Variants in RHPN2 observed in about 807,000 individuals in gnomAD.
The protein encoded by RHPN2 is rhophilin Rho GTPase binding protein 2.
RHPN2 carries 40 observed loss-of-function variants against 79.0 expected under a neutral mutation model. The observed-to-expected ratio is 0.51, with a 90% CI of 0.39 to 0.66. RHPN2 has a LOEUF of 0.66. RHPN2 is among the 30% of genes least tolerant of loss of function. RHPN2 has a pLI of 0.00. For synonymous variants in RHPN2, 285 were observed against 363.5 expected (o/e 0.78, Z 2.46); for missense variants, 686 against 883.5 (o/e 0.78, Z 2.83).
intron 12 of RHPN2, 34 bp downstream of exon 12, chr19:32,993,943 T>C (rs776486532): frequency 9.3e-6 from 14 of 1,507,356 alleles, no homozygotes; most frequent in Non-Finnish European, 1.2e-5. Flanking sequence ...GCTGTCCCCT[T>C]AGGTCATTTG....
chr19:33,008,252 T>A, intron 6 of RHPN2, 72 bp from the exon 7 acceptor site: 6 of 997,414 alleles, frequency 6.0e-6, no homozygotes, highest in Non-Finnish European at 8.3e-6. Flanking sequence ...AAAAAATTCT[T>A]TTTTTTTTTT....
intron 1 of RHPN2, among the ~76,000 whole-genome samples, chr19:33,047,168 G>A (rs1174261790): frequency 6.6e-6 from 1 of 152,048 alleles, no homozygotes; most frequent in Non-Finnish European, 1.5e-5. Flanking sequence ...GCTCTCCTTT[G>A]CCCAGTTTTA....
At chr19:32,994,100 A>G in intron 11 of RHPN2, 47 bp from the exon 12 acceptor site, 1 of 1,370,786 alleles carries the variant, frequency 7.3e-7, no homozygotes. Flanking sequence ...TCTGTAATTG[A>G]AAGTGATCCT....
At chr19:33,057,265 C>G (rs1002404907) in intron 1 of RHPN2, among the ~76,000 whole-genome samples, 2 of 151,714 alleles carry the variant, frequency 1.3e-5, no homozygotes, top group African/African-American at 4.8e-5. Context: ...ATCACTGGAG[C>G]CAGGGAGGTT....
intron 7 of RHPN2, among the ~76,000 whole-genome samples, chr19:33,005,480 T>C (rs1458632718): frequency 2.7e-5 from 4 of 150,294 alleles, no homozygotes; most frequent in Non-Finnish European, 5.9e-5. Flanking sequence ...TGCTGCAGCC[T>C]TCCTCTGACT....
chr19:32,988,149 C>T (rs1018837446), intron 14 of RHPN2, among the ~76,000 whole-genome samples: 1 of 151,576 alleles, frequency 6.6e-6, no homozygotes, highest in Non-Finnish European at 1.5e-5. Context: ...CAGTGAGCTA[C>T]GATTGCACCA....
Position 32,980,239 on chromosome 19 carries a change from T to C in RHPN2, c.1818A>G (p.Thr606=). The change falls in exon 15 of 15, where the codon ACA becomes ACG. Residue 606 remains threonine, a synonymous_variant. Transcript: ENST00000254260. ...STSSMHNKSA[T]YSVGMQKTYS... is the part of the protein sequence containing the mutation. ...ACGTTTTCTGCATTCCCACGGAGTATGTGGCACTCTTATTATGCTGCACAT... is the reference window on the plus strand; with the variant it reads ...ACGTTTTCTGCATTCCCACGGAGTACGTGGCACTCTTATTATGCTGCACAT... The C allele has an allele frequency of 6.2e-7, 1 of 1,613,882 alleles. No homozygotes were observed. The highest frequency in any genetic ancestry group is 8.5e-7 in the Non-Finnish European group (1 of 1,179,838).
intron 1 of RHPN2, among the ~76,000 whole-genome samples, chr19:33,050,021 G>T (rs992079109): frequency 6.6e-6 from 1 of 152,254 alleles, no homozygotes; most frequent in East Asian, 1.9e-4. Flanking sequence ...ATGGCCTGGT[G>T]GGGGGCAGGG....
At chr19:33,049,330 A>G (rs1972168840) in intron 1 of RHPN2, among the ~76,000 whole-genome samples, 1 of 151,878 alleles carries the variant, frequency 6.6e-6, no homozygotes. Flanking sequence ...CCACCCATAC[A>G]TTTCTCACCC....
chr19:33,057,128 A>G (rs866253288), intron 1 of RHPN2, among the ~76,000 whole-genome samples: 2,157 of 146,062 alleles, frequency 0.015, 63 homozygotes, highest in African/African-American at 0.053. Context: ...TCAAAAAAAA[A>G]AAAAAAAAGA....
intron 3 of RHPN2, among the ~76,000 whole-genome samples, chr19:33,025,972 T>C (rs1410207614): frequency 1.4e-5 from 2 of 143,156 alleles, no homozygotes; most frequent in Admixed American, 1.4e-4. Flanking sequence ...TTTTATACTG[T>C]GTTCATTTGT....
rs781328826 is a variant in RHPN2, at chr19:33,026,622, T to C, written c.196A>G (p.Asn66Asp). Reference protein sequence around the residue: ...GAENLLKVATNSKVREQVRLE... With the variant: ...GAENLLKVATDSKVREQVRLE... ...CGCACTTGCTCCCGCACCTTTGAGT[T>C]TGTGGCCACTCTGTTCAAAGAGAAG... Residue 66 changes from asparagine (N) to aspartate (D), a missense_variant, in exon 3 of 15, where the codon AAC becomes GAC. Asn to Asp is a conservative substitution (Grantham distance 23, BLOSUM62 1). Transcript: ENST00000254260. The C allele has an allele frequency of 1.9e-6, 3 of 1,606,702 alleles. No individual in the cohort carries two copies. The highest frequency in any genetic ancestry group is 4.5e-5 in the East Asian group (2 of 44,756).
chr19:33,025,984 T>TG (rs1971962880), intron 3 of RHPN2, among the ~76,000 whole-genome samples: 1 of 149,694 alleles, frequency 6.7e-6, no homozygotes, highest in Admixed American at 6.7e-5. Flanking sequence ...TTCATTTGTT[T>TG]TTTTTTTTTT....
chr19:33,046,608 T>TTC (rs1972144861), intron 1 of RHPN2, among the ~76,000 whole-genome samples: 1 of 152,166 alleles, frequency 6.6e-6, no homozygotes, highest in Non-Finnish European at 1.5e-5. Context: ...TTTGAGGAAC[T>TTC]ATCAGGCTCT....
In RHPN2 at chr19:32,978,925, A is replaced by G. The variant is rs1296304715; in HGVS notation, c.*1071T>C. 1 of 152,176 alleles carries G rather than the reference A, an allele frequency of 6.6e-6. No homozygotes were observed. Among genetic ancestry groups the G allele is most frequent in the African/African-American group, 2.4e-5 (1 of 41,444 alleles). 9.4% of individuals were successfully genotyped at this position (152,176 alleles called of 1,614,324 possible). A position where few individuals can be genotyped will look rare whatever the true frequency, so the allele number is the denominator to read the frequency against. ...CACTTTGGGAGGCTGAGGTGGGTGG[A>G]TCATTTGAGGTCAGGATTTCGAAAC... On this transcript the variant is annotated 3_prime_UTR_variant, in exon 15 of 15. Coordinates refer to ENST00000254260, the MANE Select transcript of RHPN2 (RefSeq NM_033103.5).
At chr19:33,047,601 CCT>C (rs1568325676) in intron 1 of RHPN2, among the ~76,000 whole-genome samples, 2 of 152,150 alleles carry the variant, frequency 1.3e-5, no homozygotes, top group African/African-American at 4.8e-5. Flanking sequence ...TTTCTCTCTC[CCT>C]GAGTCACATC....
Position 32,979,826 on chromosome 19 carries a change from G to A in RHPN2, c.*170C>T. 1.3e-6 allele frequency: 1 copy of A among 787,360 alleles called. No homozygotes were observed. The highest frequency in any genetic ancestry group is 1.9e-5 in the South Asian group (1 of 53,940). 48.8% of individuals were successfully genotyped at this position (787,360 alleles called of 1,614,324 possible). ...AAAGTTCTTTTTTCACTAATTCCTA[G>A]AGGTTTCTTGGTTACTTTCCTTCAT... On this transcript the variant is annotated 3_prime_UTR_variant, in exon 15 of 15. Coordinates refer to ENST00000254260, the MANE Select transcript of RHPN2 (RefSeq NM_033103.5).
intron 9 of RHPN2, among the ~76,000 whole-genome samples, chr19:33,001,969 T>C (rs547425858): frequency 8.5e-5 from 13 of 152,298 alleles, no homozygotes; most frequent in African/African-American, 3.1e-4. Context: ...CCAGCATTTT[T>C]GGCCTTCCCT....
chr19:33,064,615 C>T (rs905437392), intron 1 of RHPN2, among the ~76,000 whole-genome samples, 169 bp downstream of exon 1: 4 of 152,064 alleles, frequency 2.6e-5, no homozygotes, highest in African/African-American at 9.7e-5. Context: ...GACATCGCCG[C>T]CCCCACTCCT....
Sources: allele counts gnomAD v4.1 joint callset (sites outside exome capture counted in the v4.1 genomes callset), GRCh38; gene constraint gnomAD v4.1.1; transcripts MANE v1.5; gene names NCBI Gene and HGNC (gene_info 2026-07-23, HGNC 2026-07-21).